Variants in ST6GALNAC3 observed in about 807,000 individuals in gnomAD.
The protein encoded by ST6GALNAC3 is alpha-N-acetylgalactosaminide alpha-2,6-sialyltransferase 3.
In ST6GALNAC3, 25 loss-of-function variants were observed where a neutral mutation model predicts 32.7. The observed-to-expected ratio is 0.76, with a 90% CI of 0.56 to 1.07. ST6GALNAC3 has a LOEUF of 1.07. Among genes scored for constraint, ST6GALNAC3 ranks in the 50% least tolerant of loss-of-function variants. The probability of loss-of-function intolerance (pLI) is 0.00; values close to 1 mark genes in which losing one functional copy is unlikely to be tolerated. For synonymous variants in ST6GALNAC3, 129 were observed against 133.1 expected, an observed-to-expected ratio of 0.97 and a Z score of 0.21; for missense variants, 355 against 382.4, an observed-to-expected ratio of 0.93 and a Z score of 0.60.
intron 3 of ST6GALNAC3, among the ~76,000 whole-genome samples, chr1:76,464,060 CTATAGGGTACTG>C (rs2101605522): frequency 6.6e-6 from 1 of 152,274 alleles, no homozygotes; most frequent in Non-Finnish European, 1.5e-5. Context: ...CTCCTTTCCC[CTATAGGGTACTG>C]TGCCATCCCT....
chr1:76,525,791 G>GTGTGTATATATATATA (rs1438917629), intron 3 of ST6GALNAC3, among the ~76,000 whole-genome samples: 76 of 75,552 alleles, frequency 1.0e-3, no homozygotes, highest in Non-Finnish European at 1.9e-3. Flanking sequence ...GTGTGTGTGT[G>GTGTGTATATATATATA]TATATATATA....
At chr1:76,449,922 C>G (rs1416340815) in intron 3 of ST6GALNAC3, among the ~76,000 whole-genome samples, 1 of 152,200 alleles carries the variant, frequency 6.6e-6, no homozygotes, top group African/African-American at 2.4e-5. Flanking sequence ...ATCACCCAAA[C>G]AGTGTACACT....
At chr1:76,207,467 A>G (rs1654884618) in intron 1 of ST6GALNAC3, among the ~76,000 whole-genome samples, 1 of 152,244 alleles carries the variant, frequency 6.6e-6, no homozygotes, top group Non-Finnish European at 1.5e-5. Flanking sequence ...TTATCAAGAC[A>G]AGAAGTTTAC....
chr1:76,401,678 T>C (rs972725463), intron 2 of ST6GALNAC3, among the ~76,000 whole-genome samples: 1 of 152,190 alleles, frequency 6.6e-6, no homozygotes, highest in Non-Finnish European at 1.5e-5. Context: ...CTAAAGTCAA[T>C]AGAAGTTCAG....
intron 2 of ST6GALNAC3, among the ~76,000 whole-genome samples, chr1:76,381,008 CTAGGAGTGTGTAACT>C (rs935041202): frequency 6.6e-6 from 1 of 151,900 alleles, no homozygotes; most frequent in Non-Finnish European, 1.5e-5. Flanking sequence ...CTGATTGGCT[CTAGGAGTGTGTAACT>C]CAGGAGTGTC....
At chr1:76,397,238 G>A (rs1228069876) in intron 2 of ST6GALNAC3, among the ~76,000 whole-genome samples, 1 of 152,046 alleles carries the variant, frequency 6.6e-6, no homozygotes, top group Non-Finnish European at 1.5e-5. Context: ...AAGATCACAA[G>A]ATCTTAGACC....
At position 76,509,065 on chromosome 1, in the gene ST6GALNAC3, C is replaced by T. The variant is rs899070129; in HGVS notation, c.623+96648C>T. On this transcript the variant is annotated intron_variant, in intron 3 of 4. Coordinates refer to ENST00000328299, the MANE Select transcript of ST6GALNAC3 (RefSeq NM_152996.4). This position sits in a 1 kb window ranked among gnomAD's most constrained non-coding sequence, Gnocchi z 5.5. ...TTGAACAGCTTGTCATTTTTCAACTCGTCGATAAATGGGAATGGAATTATT... is the reference window on the plus strand; with the variant it reads ...TTGAACAGCTTGTCATTTTTCAACTTGTCGATAAATGGGAATGGAATTATT... Among the ~76,000 whole-genome samples, 8 of 152,080 alleles carry T rather than the reference C, an allele frequency of 5.3e-5. No individual in the cohort carries two copies. The highest frequency in any genetic ancestry group is 2.1e-4 in the South Asian group (1 of 4,824).
chr1:76,264,585 G>T (rs967777407), intron 1 of ST6GALNAC3, among the ~76,000 whole-genome samples: 9 of 152,152 alleles, frequency 5.9e-5, no homozygotes, highest in African/African-American at 2.2e-4. Flanking sequence ...CCTTCAAGGT[G>T]GTGTATGGAA....
chr1:76,132,183 G>C (rs1189223404), intron 1 of ST6GALNAC3, among the ~76,000 whole-genome samples: 1 of 152,144 alleles, frequency 6.6e-6, no homozygotes, highest in Non-Finnish European at 1.5e-5. Flanking sequence ...TGGGAGCGTG[G>C]AGCCTTTGGC....
intron 3 of ST6GALNAC3, among the ~76,000 whole-genome samples, chr1:76,562,724 T>G (rs906547681): frequency 1.3e-5 from 2 of 152,230 alleles, no homozygotes; most frequent in African/African-American, 4.8e-5. Flanking sequence ...TATATTACTA[T>G]GATAATGTTT....
At position 76,629,391 on chromosome 1, in the gene ST6GALNAC3, A is replaced by G; in HGVS notation, c.*585A>G. The stretch of plus-strand genomic sequence containing the variant: ...AAAGCCTCAGGCCATTGCCTAATTA[A>G]CAATGAAGATTTCATGGACATCCTA... On this transcript the variant is annotated 3_prime_UTR_variant, in exon 5 of 5. Coordinates refer to ENST00000328299, the MANE Select transcript of ST6GALNAC3 (RefSeq NM_152996.4). 1.0e-6 allele frequency: 1 copy of G among 985,504 alleles called. No homozygotes were observed. The highest frequency in any genetic ancestry group is 1.2e-6 in the Non-Finnish European group (1 of 829,736). The allele number at this position is 985,504 out of a possible 1,614,324, so 61.0% of individuals were successfully genotyped here.
intron 1 of ST6GALNAC3, among the ~76,000 whole-genome samples, chr1:76,300,140 T>G (rs1316269334): frequency 3.9e-5 from 6 of 152,042 alleles, no homozygotes; most frequent in African/African-American, 1.4e-4. Context: ...GTAATCTCTT[T>G]TGCTGTAAAC....
At chr1:76,105,872 T>G (rs1647491900) in intron 1 of ST6GALNAC3, among the ~76,000 whole-genome samples, 1 of 152,186 alleles carries the variant, frequency 6.6e-6, no homozygotes, top group African/African-American at 2.4e-5. Context: ...TTTCTTACTC[T>G]TTTTTTTAAA....
At chr1:76,268,163 C>T (rs945365) in intron 1 of ST6GALNAC3, among the ~76,000 whole-genome samples, 2,012 of 152,248 alleles carry the variant, frequency 0.013, 24 homozygotes, top group Non-Finnish European at 0.021. Context: ...GAAGAAAATG[C>T]ACAAAATATA....
intron 3 of ST6GALNAC3, among the ~76,000 whole-genome samples, chr1:76,535,860 A>G (rs1663562171): frequency 6.6e-6 from 1 of 152,120 alleles, no homozygotes; most frequent in Non-Finnish European, 1.5e-5. Flanking sequence ...TGTCTTAAAG[A>G]AAAAATCATT....
At chr1:76,261,806 C>T (rs1000976360) in intron 1 of ST6GALNAC3, among the ~76,000 whole-genome samples, 8 of 152,110 alleles carry the variant, frequency 5.3e-5, no homozygotes, top group South Asian at 2.1e-4. Flanking sequence ...ATAGGGACTC[C>T]GTAAACATTT....
intron 3 of ST6GALNAC3, among the ~76,000 whole-genome samples, chr1:76,460,317 G>T (rs906324959): frequency 6.6e-6 from 1 of 151,866 alleles, no homozygotes; most frequent in Admixed American, 6.6e-5. Flanking sequence ...TTTTAAATTG[G>T]GTCGTTTGTC....
chr1:76,514,737 C>A (rs1470180891), intron 3 of ST6GALNAC3, among the ~76,000 whole-genome samples: 2 of 152,040 alleles, frequency 1.3e-5, no homozygotes, highest in African/African-American at 2.4e-5. Flanking sequence ...CTAAATAAAC[C>A]TTTTTTCTTT....
intron 1 of ST6GALNAC3, among the ~76,000 whole-genome samples, chr1:76,139,281 C>T (rs1227820754): frequency 6.6e-6 from 1 of 152,060 alleles, no homozygotes; most frequent in East Asian, 1.9e-4. Flanking sequence ...CACTTAAGCA[C>T]ACAGATTCAC....
Sources: allele counts gnomAD v4.1 joint callset (sites outside exome capture counted in the v4.1 genomes callset), GRCh38; gene constraint gnomAD v4.1.1; non-coding constraint Gnocchi (gnomAD v3.1); transcripts MANE v1.5; gene names NCBI Gene and HGNC (gene_info 2026-07-23, HGNC 2026-07-21).